LRRC8C: variants seen among roughly 807,000 people sequenced by gnomAD.
The protein encoded by LRRC8C is volume-regulated anion channel subunit LRRC8C.
Under a neutral mutation model 55.3 loss-of-function variants are expected in LRRC8C, and 20 were observed. The ratio of observed to expected loss-of-function variants is 0.36; its 90% CI spans 0.25 to 0.53. The LOEUF (loss-of-function observed/expected upper bound fraction) is 0.53. LRRC8C is among the 20% of genes least tolerant of loss of function. The pLI is 0.92. For synonymous variants in LRRC8C, 376 were observed against 360.7 expected (o/e 1.04, Z -0.48); for missense variants, 659 against 951.4 (o/e 0.69, Z 4.04).
rs557834846 is a variant in LRRC8C, at chr1:89,718,365, G to A, written c.*3383G>A. On this transcript the variant is annotated 3_prime_UTR_variant, in exon 3 of 3. Coordinates refer to ENST00000370454, the MANE Select transcript of LRRC8C (RefSeq NM_032270.5). ...CTCTCAAGTTGTCTTTGTGGAGAGGGTCTTAGACAAAAATCTTCCTTGTAT... is the reference window on the plus strand; with the variant it reads ...CTCTCAAGTTGTCTTTGTGGAGAGGATCTTAGACAAAAATCTTCCTTGTAT... 6.6e-6 allele frequency: 1 copy of A among 152,182 alleles called. No homozygotes were observed. The highest frequency in any genetic ancestry group is 2.4e-5 in the African/African-American group (1 of 41,530). 9.4% of individuals were successfully genotyped at this position (152,182 alleles called of 1,614,324 possible). A position where few individuals can be genotyped will look rare whatever the true frequency, so the allele number is the denominator to read the frequency against.
the LRRC8C span, among the ~76,000 whole-genome samples, chr1:89,617,977 T>G: frequency 6.6e-6 from 1 of 152,290 alleles, no homozygotes; most frequent in East Asian, 1.9e-4. Context: ...TATAACTATA[T>G]GTTCACCAAT....
chr1:89,678,376 G>A (rs543223974), intron 1 of LRRC8C, among the ~76,000 whole-genome samples: 2 of 152,288 alleles, frequency 1.3e-5, no homozygotes, highest in Middle Eastern at 3.4e-3. Context: ...CATGAAACTT[G>A]CATTCTTGTG....
chr1:89,665,483 C>T (rs1005214915), intron 1 of LRRC8C, among the ~76,000 whole-genome samples: 24 of 151,870 alleles, frequency 1.6e-4, no homozygotes, highest in African/African-American at 4.1e-4. Context: ...TTGGCGTCTT[C>T]GTTTTTAGTT....
In LRRC8C at chr1:89,697,239, T is replaced by C. The variant is rs372884781; in HGVS notation, c.138+10628T>C. On this transcript the variant is annotated intron_variant, in intron 2 of 2. Transcript: ENST00000370454. Reference sequence around the variant, plus strand: ...AAATAAATAGCAAATTATTTTCCAATTATTATAGTAAATTTCTAAAATAAT... The same window carrying C: ...AAATAAATAGCAAATTATTTTCCAACTATTATAGTAAATTTCTAAAATAAT... Among the ~76,000 whole-genome samples, 13 of 152,360 alleles carry C rather than the reference T, an allele frequency of 8.5e-5. No homozygotes were observed. The East Asian group carries it at 2.3e-3, about 27-fold the overall frequency.
rs1445906136 is a variant in LRRC8C at position 89,717,073 on chromosome 1, A to G, written c.*2091A>G. On this transcript the variant is annotated 3_prime_UTR_variant, in exon 3 of 3. Coordinates refer to ENST00000370454, the MANE Select transcript of LRRC8C (RefSeq NM_032270.5). ...AACATGGTTATAGTTCTTGTATGATAAAGTATTCAATTTCAGAATAGTGTT... is the reference window on the plus strand; with the variant it reads ...AACATGGTTATAGTTCTTGTATGATGAAGTATTCAATTTCAGAATAGTGTT... The G allele has an allele frequency of 2.6e-5, 4 of 152,178 alleles. No homozygotes were observed. Among genetic ancestry groups the G allele is most frequent in the Admixed American group, 2.0e-4 (3 of 15,268 alleles). 9.4% of individuals were successfully genotyped at this position (152,178 alleles called of 1,614,324 possible).
intron 2 of LRRC8C, among the ~76,000 whole-genome samples, chr1:89,697,116 T>A (rs909297520): frequency 6.6e-6 from 1 of 152,230 alleles, no homozygotes; most frequent in African/African-American, 2.4e-5. Context: ...TTATGGATAT[T>A]ATCTTTTAAG....
chr1:89,639,368 C>T (rs1480100260), intron 1 of LRRC8C, among the ~76,000 whole-genome samples: 3 of 151,948 alleles, frequency 2.0e-5, no homozygotes, highest in Admixed American at 1.3e-4. Flanking sequence ...GAGGAGAGGG[C>T]CTCTGAAGAA....
rs138678820 is a variant in LRRC8C at position 89,702,030 on chromosome 1, G to A, written c.139-10679G>A. On this transcript the variant is annotated intron_variant, in intron 2 of 2. Transcript: ENST00000370454. ...CAAAAAGAAGCTGAAAAAATATAGC[G>A]ATTAACTGGATGCTGGAGCCAGTAC... Among the ~76,000 whole-genome samples the A allele has an allele frequency of 1.4e-3, 210 of 152,164 alleles. 2 individuals carry two copies. The highest frequency in any genetic ancestry group is 4.8e-3 in the African/African-American group (200 of 41,510).
At chr1:89,640,743 G>A (rs1047082986) in intron 1 of LRRC8C, among the ~76,000 whole-genome samples, 3 of 152,192 alleles carry the variant, frequency 2.0e-5, no homozygotes, top group Admixed American at 2.0e-4. Context: ...TCCAGGGTTT[G>A]GATCTGAGTT....
chr1:89,704,166 A>T (rs1658408443), intron 2 of LRRC8C, among the ~76,000 whole-genome samples: 1 of 151,982 alleles, frequency 6.6e-6, no homozygotes, highest in South Asian at 2.1e-4. Flanking sequence ...GAATCTCAAC[A>T]CCCCAAAGAA....
chr1:89,701,869 A>G (rs960281754), intron 2 of LRRC8C, among the ~76,000 whole-genome samples: 1 of 152,206 alleles, frequency 6.6e-6, no homozygotes, highest in Admixed American at 6.5e-5. Flanking sequence ...GTCTGAATCA[A>G]TTGCTGGGCT....
At chr1:89,696,526 A>G (rs1658176655) in intron 2 of LRRC8C, among the ~76,000 whole-genome samples, 1 of 152,104 alleles carries the variant, frequency 6.6e-6, no homozygotes, top group South Asian at 2.1e-4. Flanking sequence ...GGAGAGAGAT[A>G]TTGATTTATT....
At position 89,718,848 on chromosome 1, in the gene LRRC8C, ATTAG is replaced by A. The variant is rs1293724784; in HGVS notation, c.*3870_*3873del. On this transcript the variant is annotated 3_prime_UTR_variant, in exon 3 of 3. Coordinates refer to ENST00000370454, the MANE Select transcript of LRRC8C (RefSeq NM_032270.5). ...TACTAACCTCAAGTTAGCAAAACAAATTAGTTAAACAGCTTGGTTCTTAGCAGAC... is the reference window on the plus strand; with the variant it reads ...TACTAACCTCAAGTTAGCAAAACAAATTAAACAGCTTGGTTCTTAGCAGAC... The A allele has an allele frequency of 2.0e-5, 3 of 152,202 alleles. No homozygotes were observed. The highest frequency in any genetic ancestry group is 4.4e-5 in the Non-Finnish European group (3 of 68,020). 9.4% of individuals were successfully genotyped at this position (152,202 alleles called of 1,614,324 possible).
upstream of LRRC8C, chr1:89,632,263 T>G (rs1213082227): frequency 6.6e-6 from 1 of 152,198 alleles, no homozygotes; most frequent in Admixed American, 6.5e-5. Context: ...GATCAATCAA[T>G]GAGAGAGAAC....
Position 89,717,140 on chromosome 1 carries a change from G to A in LRRC8C, c.*2158G>A, listed in dbSNP as rs570439389. 3.3e-5 allele frequency: 5 copies of A among 152,216 alleles called. No individual in the cohort carries two copies. In the East Asian group the frequency reaches 9.6e-4, roughly 29 times the overall value. 9.4% of individuals were successfully genotyped at this position (152,216 alleles called of 1,614,324 possible). A position where few individuals can be genotyped will look rare whatever the true frequency, so the allele number is the denominator to read the frequency against. ...ATAATGTGTTGTATTTAGAAACATA[G>A]CCCTATCTGTTTTAAACAAATAATT... On this transcript the variant is annotated 3_prime_UTR_variant, in exon 3 of 3. Coordinates refer to ENST00000370454, the MANE Select transcript of LRRC8C (RefSeq NM_032270.5).
intron 1 of LRRC8C, among the ~76,000 whole-genome samples, chr1:89,670,372 C>T (rs753826153): frequency 3.9e-4 from 59 of 152,288 alleles, no homozygotes; most frequent in Non-Finnish European, 6.9e-4. Flanking sequence ...ATTTTCTCTT[C>T]GAAGTTGATG....
chr1:89,695,242 A>G lies in LRRC8C; in HGVS notation c.138+8631A>G, dbSNP rs561575958. ...CGGCCCTATATAAAGGCTTTTGAAC[A>G]TACATAGTGACATTTTTCATCATGT... On this transcript the variant is annotated intron_variant, in intron 2 of 2. Coordinates refer to ENST00000370454, the MANE Select transcript of LRRC8C (RefSeq NM_032270.5). Among the ~76,000 whole-genome samples the G allele has an allele frequency of 2.6e-5, 4 of 152,278 alleles. No homozygotes were observed. In the East Asian group the frequency reaches 7.7e-4, roughly 29 times the overall value.
At chr1:89,704,116 C>G (rs1026228998) in intron 2 of LRRC8C, among the ~76,000 whole-genome samples, 1 of 152,064 alleles carries the variant, frequency 6.6e-6, no homozygotes, top group Non-Finnish European at 1.5e-5. Context: ...TTCTAATATG[C>G]ACAGGTTCTT....
At chr1:89,701,526 T>C (rs1658324294) in intron 2 of LRRC8C, among the ~76,000 whole-genome samples, 1 of 151,674 alleles carries the variant, frequency 6.6e-6, no homozygotes, top group Non-Finnish European at 1.5e-5. Context: ...GACTTTATTG[T>C]CGAGGATATA....
Sources: gnomAD v4.1 joint callset for allele counts (sites outside exome capture counted in the v4.1 genomes callset) on GRCh38, gnomAD v4.1.1 for gene constraint, MANE v1.5 for transcripts, NCBI Gene and HGNC (gene_info 2026-07-23, HGNC 2026-07-21) for gene names.